DPF3: variants seen among roughly 807,000 people sequenced by gnomAD.
The protein encoded by DPF3 is double PHD fingers 3, also known as zinc finger protein DPF3.
DPF3 carries 18 observed loss-of-function variants against 56.8 expected under a neutral mutation model. That is an observed-to-expected ratio of 0.32 (90% CI 0.22 to 0.47). The LOEUF (loss-of-function observed/expected upper bound fraction) is 0.47. DPF3 is among the 20% of genes least tolerant of loss of function. The probability of loss-of-function intolerance (pLI) is 1.00; values close to 1 mark genes in which losing one functional copy is unlikely to be tolerated. For synonymous variants in DPF3, 188 were observed against 180.2 expected, an observed-to-expected ratio of 1.04 and a Z score of -0.35; for missense variants, 403 against 488.8, an observed-to-expected ratio of 0.82 and a Z score of 1.65.
intron 1 of DPF3, among the ~76,000 whole-genome samples, chr14:72,812,237 A>C (rs1219864313): frequency 6.7e-6 from 1 of 150,100 alleles, no homozygotes; most frequent in Admixed American, 6.6e-5. Context: ...TCCCATCCCC[A>C]CCCCCGGCCC....
At chr14:72,772,439 A>G (rs1891572660) in intron 1 of DPF3, among the ~76,000 whole-genome samples, 1 of 152,240 alleles carries the variant, frequency 6.6e-6, no homozygotes, top group African/African-American at 2.4e-5. Flanking sequence ...AAAGTAGGGA[A>G]ATTGCAGGAA....
chr14:72,842,052 A>C (rs1187581430), intron 1 of DPF3, among the ~76,000 whole-genome samples: 4 of 150,002 alleles, frequency 2.7e-5, no homozygotes, highest in African/African-American at 9.8e-5. Context: ...ATACCACTGC[A>C]CTCCAGCCTG....
chr14:72,857,414 C>T (rs905594215), intron 1 of DPF3, among the ~76,000 whole-genome samples: 2 of 152,070 alleles, frequency 1.3e-5, no homozygotes, highest in African/African-American at 4.8e-5. Context: ...AGGAACTGGT[C>T]GGGGAGGGAG....
intron 1 of DPF3, among the ~76,000 whole-genome samples, chr14:72,787,868 C>G (rs1295927335): frequency 1.3e-5 from 2 of 152,194 alleles, no homozygotes; most frequent in East Asian, 3.9e-4. Flanking sequence ...GAGGCTGCCT[C>G]TGGTGGCCCG....
At chr14:72,802,369 T>C (rs1892927307) in intron 1 of DPF3, among the ~76,000 whole-genome samples, 1 of 152,186 alleles carries the variant, frequency 6.6e-6, no homozygotes, top group Non-Finnish European at 1.5e-5. Flanking sequence ...TCCAGTTTGC[T>C]CATCTGTCAA....
intron 3 of DPF3, among the ~76,000 whole-genome samples, chr14:72,749,685 T>C (rs764136890): frequency 1.3e-5 from 2 of 152,106 alleles, no homozygotes; most frequent in Non-Finnish European, 2.9e-5. Flanking sequence ...GTCTTTCCCA[T>C]GCTGTTCTCA....
chr14:72,820,388 C>T (rs1883479959), intron 1 of DPF3, among the ~76,000 whole-genome samples: 1 of 152,174 alleles, frequency 6.6e-6, no homozygotes, highest in Non-Finnish European at 1.5e-5. Context: ...TACTGTATTT[C>T]ACAAACCAAA....
chr14:72,838,154 T>C (rs185163781), intron 1 of DPF3, among the ~76,000 whole-genome samples: 9 of 152,220 alleles, frequency 5.9e-5, no homozygotes, highest in Non-Finnish European at 1.3e-4. Flanking sequence ...CAAGTCGACT[T>C]TCACAAAATG....
In DPF3 at chr14:72,612,582, G is replaced by C. The variant is rs376219611; in HGVS notation, c.*6715C>G. On this transcript the variant is annotated 3_prime_UTR_variant, in exon 11 of 11. Coordinates refer to ENST00000556509, the MANE Select transcript of DPF3 (RefSeq NM_001280542.3). ...CATCTATCACGGCAGAGGGAAGGGA[G>C]GAAACAGTGCAGGGAAGGGAGAGGG... is the stretch of plus-strand genomic sequence containing the variant. 4.6e-5 allele frequency: 21 copies of C among 456,566 alleles called. No individual in the cohort carries two copies. The highest frequency in any genetic ancestry group is 8.3e-5 in the Non-Finnish European group (20 of 241,486). 28.3% of individuals were successfully genotyped at this position (456,566 alleles called of 1,614,324 possible).
At chr14:72,841,703 T>C (rs1884548642) in intron 1 of DPF3, among the ~76,000 whole-genome samples, 1 of 152,208 alleles carries the variant, frequency 6.6e-6, no homozygotes, top group Non-Finnish European at 1.5e-5. Flanking sequence ...TGAATTTACC[T>C]GGTTATCATA....
At chr14:72,763,258 A>T (rs1192508773) in intron 2 of DPF3, among the ~76,000 whole-genome samples, 1 of 152,072 alleles carries the variant, frequency 6.6e-6, no homozygotes, top group Non-Finnish European at 1.5e-5. Flanking sequence ...CTGATTATAA[A>T]ATCCATATAG....
At chr14:72,814,055 AC>A (rs1326749057) in intron 1 of DPF3, among the ~76,000 whole-genome samples, 1 of 152,026 alleles carries the variant, frequency 6.6e-6, no homozygotes, top group Non-Finnish European at 1.5e-5. Flanking sequence ...CAGCTAGTAG[AC>A]CTTTTCTTGT....
At chr14:72,811,829 T>C (rs1883057899) in intron 1 of DPF3, among the ~76,000 whole-genome samples, 1 of 152,102 alleles carries the variant, frequency 6.6e-6, no homozygotes, top group Non-Finnish European at 1.5e-5. Context: ...AAGGGCAAGC[T>C]GTAGGTTACT....
chr14:72,756,087 T>G (rs73302137), intron 2 of DPF3, among the ~76,000 whole-genome samples: 3,306 of 151,798 alleles, frequency 0.022, 104 homozygotes, highest in African/African-American at 0.076. Context: ...CCTTGGGGAG[T>G]GAGCCTAGGG....
intron 7 of DPF3, among the ~76,000 whole-genome samples, chr14:72,690,989 G>A (rs1305511196): frequency 6.6e-6 from 1 of 152,212 alleles, no homozygotes; most frequent in Non-Finnish European, 1.5e-5. Context: ...AAAGGGAAAT[G>A]CAAGTATTGG....
intron 7 of DPF3, among the ~76,000 whole-genome samples, chr14:72,682,107 G>A (rs995408728): frequency 2.6e-5 from 4 of 151,910 alleles, no homozygotes; most frequent in Admixed American, 1.3e-4. Context: ...CCAGCTATTC[G>A]GGAGGCTGAG....
rs192154388 is a variant in DPF3 at position 72,615,091 on chromosome 14, G to A, written c.*4206C>T. ...ACTTCTCCCTCGGGCTGAGACATGG[G>A]GACCCCCTGAAGAGGGGCTAGGAGG... On this transcript the variant is annotated 3_prime_UTR_variant, in exon 11 of 11. Coordinates refer to ENST00000556509, the MANE Select transcript of DPF3 (RefSeq NM_001280542.3). Among the ~76,000 whole-genome samples, 9 of 152,314 alleles carry A rather than the reference G, an allele frequency of 5.9e-5. No homozygotes were observed. In the East Asian group the frequency reaches 1.4e-3, roughly 23 times the overall value.
chr14:72,668,133 ATATCACATCCACCAC>A (rs914953638), intron 8 of DPF3, among the ~76,000 whole-genome samples: 53 of 152,300 alleles, frequency 3.5e-4, no homozygotes, highest in African/African-American at 1.3e-3. Context: ...GGAGATAAAG[ATATCACATCCACCAC>A]TAAAGTGGTT....
chr14:72,660,325 G>A (rs914090987), intron 8 of DPF3, among the ~76,000 whole-genome samples: 2 of 152,078 alleles, frequency 1.3e-5, no homozygotes, highest in African/African-American at 4.8e-5. Flanking sequence ...AAGGCATAAC[G>A]TGATATTCAG....
Sources: allele counts gnomAD v4.1 joint callset (sites outside exome capture counted in the v4.1 genomes callset), GRCh38; gene constraint gnomAD v4.1.1; transcripts MANE v1.5; gene names NCBI Gene and HGNC (gene_info 2026-07-23, HGNC 2026-07-21).